The following GABBR2 variants were observed in gnomAD, a reference collection of about 807,000 sequenced individuals.
The protein encoded by GABBR2 is gamma-aminobutyric acid type B receptor subunit 2.
Under a neutral mutation model 105.6 loss-of-function variants are expected in GABBR2, and 23 were observed. The ratio of observed to expected loss-of-function variants is 0.22; its 90% CI spans 0.16 to 0.31. The LOEUF (loss-of-function observed/expected upper bound fraction) is 0.31, where lower values mean the gene tolerates loss of function less well. GABBR2 is among the 10% of genes least tolerant of loss of function. The pLI is 1.00. For missense variants in GABBR2, 734 were observed against 1,245.5 expected, an observed-to-expected ratio of 0.59 and a Z score of 6.18; for synonymous variants, 478 against 499.7, an observed-to-expected ratio of 0.96 and a Z score of 0.58.
At chr9:98,331,480 C>T (rs552227621) in intron 13 of GABBR2, among the ~76,000 whole-genome samples, 8 of 149,624 alleles carry the variant, frequency 5.3e-5, no homozygotes, top group East Asian at 2.0e-4. Flanking sequence ...CACAGGGCCC[C>T]GGGCGGAGCT....
At chr9:98,502,654 C>T (rs541893062) in intron 3 of GABBR2, among the ~76,000 whole-genome samples, 31 of 152,326 alleles carry the variant, frequency 2.0e-4, no homozygotes, top group Admixed American at 1.9e-3. Context: ...TGGCACTGGA[C>T]ACTCCTGCCC....
chr9:98,641,067 T>C (rs533073406), intron 1 of GABBR2, among the ~76,000 whole-genome samples: 1 of 151,982 alleles, frequency 6.6e-6, no homozygotes, highest in Non-Finnish European at 1.5e-5. Context: ...TCCACCCCTA[T>C]TGAGGCACTT....
At chr9:98,577,228 A>ATGGTTAGGCGAATG (rs769775744) in intron 2 of GABBR2, among the ~76,000 whole-genome samples, 17 of 151,054 alleles carry the variant, frequency 1.1e-4, no homozygotes, top group South Asian at 2.1e-4. Context: ...GGATGGATGG[A>ATGGTTAGGCGAATG]GCAAAAAAGT....
chr9:98,443,486 T>G (rs1247649496), intron 7 of GABBR2, among the ~76,000 whole-genome samples: 1 of 152,146 alleles, frequency 6.6e-6, no homozygotes, highest in Non-Finnish European at 1.5e-5. Flanking sequence ...CATTTGTAAT[T>G]GTATTTAAAT....
intron 7 of GABBR2, among the ~76,000 whole-genome samples, chr9:98,429,631 G>A (rs1276392328): frequency 6.6e-6 from 1 of 152,144 alleles, no homozygotes. Flanking sequence ...ATTTTCCAAG[G>A]TCACACATCT....
intron 5 of GABBR2, among the ~76,000 whole-genome samples, chr9:98,474,132 G>C (rs768322180): frequency 8.5e-5 from 13 of 152,118 alleles, no homozygotes; most frequent in Non-Finnish European, 7.4e-5. Context: ...CTGGGAGGTG[G>C]TTTATCATCC....
At position 98,361,706 on chromosome 9, in the gene GABBR2, T is replaced by C. The variant is rs780396091; in HGVS notation, c.1893+1009A>G. Among the ~76,000 whole-genome samples, 4 of 152,176 alleles carry C rather than the reference T, an allele frequency of 2.6e-5. No individual in the cohort carries two copies. The South Asian group carries it at 6.2e-4, about 24-fold the overall frequency. ...GGTCTTTCCTCCTTACCAGTTCTGG[T>C]TGTGACTGTCTGGAGTCCCACTTCT... On this transcript the variant is annotated intron_variant, in intron 13 of 18. Transcript: ENST00000259455.
intron 1 of GABBR2, among the ~76,000 whole-genome samples, chr9:98,661,325 G>A (rs1304061568): frequency 2.0e-5 from 3 of 152,152 alleles, no homozygotes; most frequent in East Asian, 1.9e-4. Flanking sequence ...AGCCTACACT[G>A]TGGGCCCTTT....
At chr9:98,597,138 A>C (rs542454821) in intron 1 of GABBR2, among the ~76,000 whole-genome samples, 1 of 152,318 alleles carries the variant, frequency 6.6e-6, no homozygotes, top group Admixed American at 6.5e-5. Flanking sequence ...GGTGCAGCTT[A>C]TCTGAGATCT....
chr9:98,409,362 G>A (rs1231701381), intron 7 of GABBR2, among the ~76,000 whole-genome samples: 1 of 152,234 alleles, frequency 6.6e-6, no homozygotes, highest in Non-Finnish European at 1.5e-5. Context: ...TGGAAGCAGA[G>A]ACTCTGGAAG....
chr9:98,597,510 T>G (rs957436003), intron 1 of GABBR2, among the ~76,000 whole-genome samples: 1 of 152,120 alleles, frequency 6.6e-6, no homozygotes, highest in African/African-American at 2.4e-5. Flanking sequence ...AAACAGAAGC[T>G]CAAAGAGTTT....
intron 7 of GABBR2, among the ~76,000 whole-genome samples, chr9:98,445,071 G>A (rs985675403): frequency 6.6e-6 from 1 of 152,226 alleles, no homozygotes; most frequent in South Asian, 2.1e-4. Context: ...AGGCAACAGA[G>A]TAGAAAAGTG....
intron 1 of GABBR2, among the ~76,000 whole-genome samples, chr9:98,651,135 A>G (rs1026080881): frequency 1.5e-5 from 2 of 134,334 alleles, no homozygotes; most frequent in African/African-American, 5.5e-5. Flanking sequence ...ACATACACAC[A>G]CTGGTTTTTT....
At chr9:98,584,281 C>A (rs1374035343) in intron 1 of GABBR2, among the ~76,000 whole-genome samples, 1 of 152,216 alleles carries the variant, frequency 6.6e-6, no homozygotes, top group East Asian at 1.9e-4. Flanking sequence ...CTGGCCTAGC[C>A]TCTGTCTTCA....
intron 2 of GABBR2, among the ~76,000 whole-genome samples, chr9:98,557,622 A>T (rs1828608449): frequency 6.6e-6 from 1 of 152,176 alleles, no homozygotes; most frequent in Non-Finnish European, 1.5e-5. Context: ...GGGATTCCCA[A>T]ATCAGCAGGG....
chr9:98,338,223 T>G (rs1203073031), intron 13 of GABBR2, among the ~76,000 whole-genome samples: 1 of 152,204 alleles, frequency 6.6e-6, no homozygotes, highest in Non-Finnish European at 1.5e-5. Flanking sequence ...CAATAGTTTC[T>G]TAGCTATGAC....
chr9:98,352,828 G>A (rs1477481940), intron 13 of GABBR2, among the ~76,000 whole-genome samples: 2 of 152,124 alleles, frequency 1.3e-5, no homozygotes. Context: ...TGGGGACCCG[G>A]CTGTGCCACA....
chr9:98,599,588 C>A (rs1033877424), intron 1 of GABBR2, among the ~76,000 whole-genome samples: 1 of 152,262 alleles, frequency 6.6e-6, no homozygotes, highest in Non-Finnish European at 1.5e-5. Context: ...GACCTTCAAT[C>A]CCAGGCTGAG....
chr9:98,643,957 C>A (rs966451307), intron 1 of GABBR2, among the ~76,000 whole-genome samples: 1 of 152,172 alleles, frequency 6.6e-6, no homozygotes, highest in Admixed American at 6.5e-5. Flanking sequence ...GCTAGCCTTC[C>A]CCAAAGTTTC....
Sources: gnomAD v4.1 joint callset for allele counts (sites outside exome capture counted in the v4.1 genomes callset) on GRCh38, gnomAD v4.1.1 for gene constraint, MANE v1.5 for transcripts, NCBI Gene and HGNC (gene_info 2026-07-23, HGNC 2026-07-21) for gene names.